UNC13C: variants seen among roughly 807,000 people sequenced by gnomAD.
UNC13C encodes unc-13 homolog C.
In UNC13C, 174 loss-of-function variants were observed where a neutral mutation model predicts 245.4. The observed-to-expected ratio is 0.71, with a 90% confidence interval of 0.63 to 0.80. The LOEUF is 0.80. Ranked by LOEUF, UNC13C falls within the 30% of genes least tolerant of loss-of-function variation. The probability of loss-of-function intolerance (pLI) is 0.00; values close to 1 mark genes in which losing one functional copy is unlikely to be tolerated. For synonymous variants in UNC13C, 992 were observed against 895.1 expected (o/e 1.11, Z -1.93); for missense variants, 2,829 against 2,602.9 (o/e 1.09, Z -1.89).
the UNC13C span, among the ~76,000 whole-genome samples, chr15:53,841,304 CT>C: frequency 6.6e-6 from 1 of 152,118 alleles, no homozygotes; most frequent in Non-Finnish European, 1.5e-5. Context: ...GCTTTCCCCC[CT>C]ACCTTTGCCA....
intron 22 of UNC13C, among the ~76,000 whole-genome samples, chr15:54,503,043 TCA>T (rs34554640): frequency 0.26 from 38,845 of 151,862 alleles, 5,031 homozygotes; most frequent in Middle Eastern, 0.32. Flanking sequence ...CATATTAGAA[TCA>T]CACTCAGGAA....
At chr15:54,044,244 A>C (rs1346811965) in intron 2 of UNC13C, among the ~76,000 whole-genome samples, 1 of 152,240 alleles carries the variant, frequency 6.6e-6, no homozygotes, top group African/African-American at 2.4e-5. Flanking sequence ...GTTGTAGCAC[A>C]TAACAGTAAC....
chr15:54,539,877 T>A (rs1462725388), intron 26 of UNC13C, among the ~76,000 whole-genome samples: 1 of 152,092 alleles, frequency 6.6e-6, no homozygotes, highest in African/African-American at 2.4e-5. Context: ...TTTTACTCAG[T>A]CTTACTAAAG....
chr15:54,276,558 C>A (rs1041187213), intron 10 of UNC13C, among the ~76,000 whole-genome samples: 1 of 152,064 alleles, frequency 6.6e-6, no homozygotes, highest in Non-Finnish European at 1.5e-5. Context: ...CATTTACATC[C>A]TTACATTTAT....
chr15:54,144,430 C>T (rs555960333), intron 4 of UNC13C, among the ~76,000 whole-genome samples: 1 of 152,022 alleles, frequency 6.6e-6, no homozygotes, highest in East Asian at 1.9e-4. Context: ...TAAAATTGTC[C>T]TATACATAAT....
chr15:54,630,890 A>G (rs1472110149), downstream of UNC13C: 2 of 152,148 alleles, frequency 1.3e-5, no homozygotes, highest in Non-Finnish European at 2.9e-5. Context: ...CAGGATACAT[A>G]TATAATCCTT....
At chr15:54,433,268 G>A (rs1429921737) in intron 19 of UNC13C, among the ~76,000 whole-genome samples, 3 of 151,956 alleles carry the variant, frequency 2.0e-5, no homozygotes, top group Non-Finnish European at 4.4e-5. Context: ...AAACCTGCCA[G>A]AGACACAGCG....
intron 17 of UNC13C, among the ~76,000 whole-genome samples, chr15:54,384,249 C>T (rs2039788994): frequency 6.6e-6 from 1 of 152,106 alleles, no homozygotes; most frequent in African/African-American, 2.4e-5. Context: ...TGCTATCTGA[C>T]TTCAAAATAT....
At chr15:53,948,926 G>T in the UNC13C span, among the ~76,000 whole-genome samples, 1 of 152,010 alleles carries the variant, frequency 6.6e-6, no homozygotes. Context: ...TAAAGAGCTT[G>T]GAATTTATTC....
rs372178734 is a variant in UNC13C, at chr15:54,494,703, G to A, written c.5029G>A (p.Ala1677Thr). Reference sequence around the variant, plus strand: ...TAATGAATATGTGCGTGAACTTCCTGCCTTCAAGGATGCTGTTCCTGAATA... The same window carrying A: ...TAATGAATATGTGCGTGAACTTCCTACCTTCAAGGATGCTGTTCCTGAATA... Reference protein sequence around the residue: ...FYNEYVRELPAFKDAVPEYSL... With the variant: ...FYNEYVRELPTFKDAVPEYSL... Residue 1677 changes from alanine (A) to threonine (T), a missense_variant, in exon 20 of 33, where the codon GCC (alanine) becomes ACC (threonine). Transcript: ENST00000260323. The A allele has an allele frequency of 6.2e-7, 1 of 1,610,756 alleles. No homozygotes were observed. The highest frequency in any genetic ancestry group is 8.5e-7 in the Non-Finnish European group (1 of 1,178,472).
chr15:53,986,315 T>G (rs8036689), intron 1 of UNC13C, among the ~76,000 whole-genome samples: 20,791 of 152,080 alleles, frequency 0.14, 1,744 homozygotes, highest in East Asian at 0.28. Context: ...TCTATTGAGA[T>G]AAAATTTGAG....
intron 2 of UNC13C, among the ~76,000 whole-genome samples, chr15:54,051,973 C>A (rs1897289234): frequency 7.6e-6 from 1 of 130,756 alleles, no homozygotes; most frequent in Non-Finnish European, 1.6e-5. Flanking sequence ...CATGTGATCT[C>A]ATTGTTCAAT....
chr15:53,870,620 A>G, the UNC13C span, among the ~76,000 whole-genome samples: 3 of 152,128 alleles, frequency 2.0e-5, no homozygotes, highest in Admixed American at 2.0e-4. Context: ...GGCTTCTGTT[A>G]CAGCAATTGA....
intron 4 of UNC13C, among the ~76,000 whole-genome samples, chr15:54,227,068 T>C (rs894344831): frequency 1.3e-5 from 2 of 152,132 alleles, no homozygotes; most frequent in African/African-American, 4.8e-5. Context: ...CCAGGAAGAA[T>C]GAGGCACGCA....
At chr15:53,962,742 C>T in the UNC13C span, among the ~76,000 whole-genome samples, 1 of 152,114 alleles carries the variant, frequency 6.6e-6, no homozygotes, top group East Asian at 1.9e-4. Flanking sequence ...GGAGCAAATG[C>T]CATGGTTTTT....
At chr15:54,405,001 G>A (rs913739924) in intron 18 of UNC13C, among the ~76,000 whole-genome samples, 125 of 152,036 alleles carry the variant, frequency 8.2e-4, no homozygotes, top group African/African-American at 2.9e-3. Context: ...TTATTTTTAT[G>A]TTAGAAATCA....
intron 17 of UNC13C, among the ~76,000 whole-genome samples, chr15:54,385,331 G>A (rs1019430049): frequency 7.9e-5 from 12 of 151,878 alleles, no homozygotes; most frequent in Admixed American, 7.2e-4. Flanking sequence ...AAGAAAGTAT[G>A]GTATATATTC....
At chr15:54,610,931 T>C (rs956864067) in intron 30 of UNC13C, among the ~76,000 whole-genome samples, 3 of 152,246 alleles carry the variant, frequency 2.0e-5, no homozygotes, top group African/African-American at 7.2e-5. Flanking sequence ...TAGTAGTAAG[T>C]ATTAAAAAAA....
At chr15:54,227,955 T>C (rs759423515) in intron 4 of UNC13C, among the ~76,000 whole-genome samples, 5 of 152,186 alleles carry the variant, frequency 3.3e-5, no homozygotes, top group Non-Finnish European at 5.9e-5. Context: ...TTCGCTCTCA[T>C]TGCTGGTGGG....
Sources: allele counts gnomAD v4.1 joint callset (sites outside exome capture counted in the v4.1 genomes callset), GRCh38; gene constraint gnomAD v4.1.1; transcripts MANE v1.5; gene names NCBI Gene and HGNC (gene_info 2026-07-23, HGNC 2026-07-21).